The following PPM1D variants were observed in gnomAD, a reference collection of about 807,000 sequenced individuals.
The protein encoded by PPM1D is protein phosphatase 1D.
In PPM1D, 52 loss-of-function variants were observed where a neutral mutation model predicts 58.3. The observed-to-expected ratio is 0.89, with a 90% CI of 0.71 to 1.12. The LOEUF is 1.12. Among genes scored for constraint, PPM1D ranks in the 50% most tolerant of loss-of-function variants. The pLI is 0.00. For synonymous variants in PPM1D, 278 were observed against 285.1 expected (o/e 0.98, Z 0.25); for missense variants, 564 against 777.2 (o/e 0.73, Z 3.26).
chr17:60,642,352 ATTT>A (rs760188816), intron 3 of PPM1D, among the ~76,000 whole-genome samples: 4 of 124,866 alleles, frequency 3.2e-5, no homozygotes, highest in Non-Finnish European at 5.0e-5. Flanking sequence ...AGAAGAATGG[ATTT>A]TTTTTTTTTT....
chr17:60,635,204 A>G (rs1473698703), intron 3 of PPM1D, among the ~76,000 whole-genome samples: 2 of 151,476 alleles, frequency 1.3e-5, no homozygotes, highest in Admixed American at 6.6e-5. Flanking sequence ...ATATTTCCTT[A>G]TATACACATA....
chr17:60,600,330 T>C lies in PPM1D; in HGVS notation c.-85T>C. ...TCTCGGCGTCGTCGAAGATAAACAA[T>C]AGTTGGCCGGCGAGCGCCTAGTGTG... On this transcript the variant is annotated 5_prime_UTR_variant, in exon 1 of 6. Transcript: ENST00000305921. The C allele has an allele frequency of 1.3e-6, 2 of 1,501,234 alleles. No homozygotes were observed. Among genetic ancestry groups the C allele is most frequent in the African/African-American group, 2.9e-5 (2 of 69,570 alleles). 93.0% of individuals were successfully genotyped at this position (1,501,234 alleles called of 1,614,324 possible). A position where few individuals can be genotyped will look rare whatever the true frequency, so the allele number is the denominator to read the frequency against.
chr17:60,640,692 T>G (rs1325001114), intron 3 of PPM1D, among the ~76,000 whole-genome samples: 2 of 152,166 alleles, frequency 1.3e-5, no homozygotes, highest in Admixed American at 1.3e-4. Context: ...CCTCCTTCTC[T>G]CCCTTCTCCC....
intron 1 of PPM1D, among the ~76,000 whole-genome samples, chr17:60,613,389 A>G (rs1435727898): frequency 6.6e-6 from 1 of 152,268 alleles, no homozygotes; most frequent in Admixed American, 6.5e-5. Flanking sequence ...GATTGAGAGT[A>G]TGTGCCCTAG....
chr17:60,660,388 C>G (rs185278056), intron 5 of PPM1D, among the ~76,000 whole-genome samples: 44 of 152,118 alleles, frequency 2.9e-4, no homozygotes, highest in Non-Finnish European at 4.3e-4. Flanking sequence ...GGGGCAGTAC[C>G]AGATTAGTAA....
intron 1 of PPM1D, among the ~76,000 whole-genome samples, chr17:60,622,192 A>AC (rs1236532058): frequency 2.0e-5 from 3 of 150,874 alleles, no homozygotes; most frequent in Admixed American, 6.6e-5. Context: ...TCTGTCTCAA[A>AC]AAAAAAAAAA....
chr17:60,629,270 G>A (rs556734280), intron 2 of PPM1D, among the ~76,000 whole-genome samples: 32 of 152,276 alleles, frequency 2.1e-4, no homozygotes, highest in African/African-American at 7.2e-4. Flanking sequence ...TCTTGTGTAG[G>A]GACCAAGAAA....
chr17:60,614,400 G>C (rs1056571580), intron 1 of PPM1D, among the ~76,000 whole-genome samples: 1 of 152,128 alleles, frequency 6.6e-6, no homozygotes, highest in Non-Finnish European at 1.5e-5. Context: ...GGGACTTGGA[G>C]AACTTTTGTG....
intron 5 of PPM1D, among the ~76,000 whole-genome samples, chr17:60,659,779 A>G (rs1159859039): frequency 6.6e-6 from 1 of 152,222 alleles, no homozygotes; most frequent in Non-Finnish European, 1.5e-5. Context: ...GGTACATCTA[A>G]GAAGTCTAAA....
At chr17:60,611,849 A>G (rs1300314937) in intron 1 of PPM1D, among the ~76,000 whole-genome samples, 1 of 152,160 alleles carries the variant, frequency 6.6e-6, no homozygotes, top group Non-Finnish European at 1.5e-5. Flanking sequence ...ATGTAATTTT[A>G]TTAATCATTT....
intron 3 of PPM1D, among the ~76,000 whole-genome samples, chr17:60,636,104 T>C (rs1450887260): frequency 6.6e-6 from 1 of 152,204 alleles, no homozygotes; most frequent in Non-Finnish European, 1.5e-5. Context: ...TTGCTTGATG[T>C]GTCTTCATCA....
intron 3 of PPM1D, among the ~76,000 whole-genome samples, chr17:60,639,109 C>T (rs1414799446): frequency 6.6e-6 from 1 of 151,860 alleles, no homozygotes; most frequent in Non-Finnish European, 1.5e-5. Context: ...TAACAAAAAA[C>T]TGAAAAAAAA....
intron 3 of PPM1D, among the ~76,000 whole-genome samples, chr17:60,647,157 G>T (rs1041094325): frequency 3.6e-4 from 55 of 152,262 alleles, no homozygotes; most frequent in African/African-American, 1.3e-3. Flanking sequence ...CATTGACTTT[G>T]TAGATTATTT....
At chr17:60,624,615 C>T (rs1232089710) in intron 2 of PPM1D, among the ~76,000 whole-genome samples, 3 of 151,816 alleles carry the variant, frequency 2.0e-5, no homozygotes, top group African/African-American at 7.3e-5. Context: ...GGAGAAACCC[C>T]GTCGCTACTA....
chr17:60,648,003 G>C lies in PPM1D; in HGVS notation c.938G>C (p.Ser313Thr), dbSNP rs139366904. 27 of 1,613,916 alleles carry C rather than the reference G, an allele frequency of 1.7e-5. No homozygotes were observed. The highest frequency in any genetic ancestry group is 2.2e-5 in the Non-Finnish European group (26 of 1,180,002). The part of the protein sequence containing the change: ...PQKHKYIILG[S>T]DGLWNMIPPQ... ...AAGCACAAGTATATTATATTGGGGAGTGATGGACTTTGGAATATGATTCCA... is the reference window on the plus strand; with the variant it reads ...AAGCACAAGTATATTATATTGGGGACTGATGGACTTTGGAATATGATTCCA... The change falls in exon 4 of 6, where the codon AGT (serine) becomes ACT (threonine). Residue 313 changes from serine (S) to threonine (T), a missense_variant. By Grantham distance (58) the Ser-to-Thr change is moderately conservative. This residue lies in a region of PPM1D where 95 missense variants were observed against 232.6 expected (regional missense o/e 0.41). Coordinates refer to ENST00000305921, the MANE Select transcript of PPM1D (RefSeq NM_003620.4).
At chr17:60,610,311 T>C (rs918646090) in intron 1 of PPM1D, among the ~76,000 whole-genome samples, 1 of 152,198 alleles carries the variant, frequency 6.6e-6, no homozygotes, top group African/African-American at 2.4e-5. Context: ...GGGGTACTAC[T>C]CTATTCTTCT....
intron 3 of PPM1D, among the ~76,000 whole-genome samples, chr17:60,640,491 T>C (rs2031112178): frequency 6.6e-6 from 1 of 152,218 alleles, no homozygotes; most frequent in South Asian, 2.1e-4. Flanking sequence ...GTTTTGCAAC[T>C]GTCATCCACC....
chr17:60,606,040 CTG>C (rs1567963598), intron 1 of PPM1D, among the ~76,000 whole-genome samples: 1 of 152,236 alleles, frequency 6.6e-6, no homozygotes, highest in African/African-American at 2.4e-5. Flanking sequence ...AATAGAAACT[CTG>C]TGTCCATTAA....
chr17:60,615,340 G>T (rs2030560708), intron 1 of PPM1D, among the ~76,000 whole-genome samples: 1 of 152,074 alleles, frequency 6.6e-6, no homozygotes. Flanking sequence ...AGCCGAGGAG[G>T]CAGAGGTTGT....
Sources: allele counts gnomAD v4.1 joint callset (sites outside exome capture counted in the v4.1 genomes callset), GRCh38; gene constraint gnomAD v4.1.1; regional missense constraint gnomAD v4.1.1; transcripts MANE v1.5; gene names NCBI Gene and HGNC (gene_info 2026-07-23, HGNC 2026-07-21).